Variants in DDHD1 observed in about 807,000 individuals in gnomAD.
The protein encoded by DDHD1 is DDHD domain containing 1, also known as phospholipase DDHD1.
In DDHD1, 49 loss-of-function variants were observed where a neutral mutation model predicts 96.4. The observed-to-expected ratio is 0.51, with a 90% CI of 0.40 to 0.64. The LOEUF (loss-of-function observed/expected upper bound fraction) is 0.64. DDHD1 is among the 30% of genes least tolerant of loss of function. DDHD1 has a pLI of 0.00. For synonymous variants in DDHD1, 442 were observed against 446.5 expected (o/e 0.99, Z 0.13); for missense variants, 1,106 against 1,161.2 (o/e 0.95, Z 0.69).
At chr14:53,058,271 C>T (rs188307844) in intron 9 of DDHD1, among the ~76,000 whole-genome samples, 87 of 152,266 alleles carry the variant, frequency 5.7e-4, no homozygotes, top group African/African-American at 1.9e-3. Flanking sequence ...CCCACTACCA[C>T]GCCCAGCTAA....
chr14:53,137,653 T>A (rs940930887), intron 1 of DDHD1, among the ~76,000 whole-genome samples: 1 of 151,736 alleles, frequency 6.6e-6, no homozygotes, highest in Non-Finnish European at 1.5e-5. Context: ...CAGGGCAATA[T>A]CAAAATGTAC....
intron 1 of DDHD1, among the ~76,000 whole-genome samples, chr14:53,107,747 T>C (rs527667458): frequency 1.3e-5 from 2 of 152,130 alleles, no homozygotes; most frequent in South Asian, 4.1e-4. Context: ...GCTGAGATCG[T>C]GCTGAGAGAC....
At chr14:53,058,121 A>T (rs1883224596) in intron 9 of DDHD1, among the ~76,000 whole-genome samples, 1 of 151,626 alleles carries the variant, frequency 6.6e-6, no homozygotes, top group African/African-American at 2.4e-5. Context: ...TACAGGCATG[A>T]GCACCACGCC....
chr14:53,062,861 T>C (rs768388827), intron 7 of DDHD1, 82 bp downstream of exon 7: 3 of 1,401,632 alleles, frequency 2.1e-6, no homozygotes, highest in East Asian at 4.7e-5. Flanking sequence ...TTCTTTATCA[T>C]GAAATTCTTA....
chr14:53,047,311 T>C (rs531927715), intron 12 of DDHD1, among the ~76,000 whole-genome samples: 1 of 152,304 alleles, frequency 6.6e-6, no homozygotes, highest in East Asian at 1.9e-4. Context: ...AACACCCCTC[T>C]TGAAGATTTA....
Position 53,061,158 on chromosome 14 carries a change from A to G in DDHD1, c.1810T>C (p.Ser604Pro), listed in dbSNP as rs1287516721. The part of the protein sequence containing the change: ...EERLHGLKAS[S>P]MTQTPALKFK... Reference sequence around the variant, plus strand: ...TTTAAGGCAGGTGTTTGTGTCATAGATGATGCTTTCAATCCGTGAAGCCGT... The same window carrying G: ...TTTAAGGCAGGTGTTTGTGTCATAGGTGATGCTTTCAATCCGTGAAGCCGT... The change falls in exon 8 of 13, where the codon TCT becomes CCT. Residue 604 changes from serine (S) to proline (P), a missense_variant. Transcript: ENST00000673822. 1.9e-6 allele frequency: 3 copies of G among 1,611,718 alleles called. No individual in the cohort carries two copies. Among genetic ancestry groups the G allele is most frequent in the African/African-American group, 1.3e-5 (1 of 74,890 alleles).
intron 12 of DDHD1, among the ~76,000 whole-genome samples, chr14:53,048,339 T>G (rs1040867914): frequency 8.4e-5 from 11 of 131,286 alleles, no homozygotes; most frequent in African/African-American, 1.4e-4. Flanking sequence ...TTTTGGGCTG[T>G]TTTTTTTTTT....
intron 1 of DDHD1, among the ~76,000 whole-genome samples, chr14:53,117,612 G>A (rs1888648555): frequency 1.3e-5 from 2 of 152,040 alleles, no homozygotes; most frequent in Admixed American, 1.3e-4. Flanking sequence ...TGCCATTGCT[G>A]GGGCTTAAGT....
intron 1 of DDHD1, among the ~76,000 whole-genome samples, chr14:53,128,705 A>T (rs1315751134): frequency 1.3e-5 from 2 of 152,226 alleles, no homozygotes; most frequent in Non-Finnish European, 2.9e-5. Flanking sequence ...GTTCTGATAC[A>T]AAAGTCTATC....
intron 4 of DDHD1, among the ~76,000 whole-genome samples, chr14:53,079,246 T>C (rs1409961107): frequency 6.6e-6 from 1 of 152,120 alleles, no homozygotes; most frequent in East Asian, 1.9e-4. Context: ...TCCTTCCTCT[T>C]CCATTTTTTA....
intron 11 of DDHD1, 136 bp from the exon 12 acceptor site, chr14:53,052,063 A>T (rs1882635175): frequency 1.6e-6 from 1 of 616,088 alleles, no homozygotes; most frequent in African/African-American, 1.8e-5. Context: ...AGTAGTACAC[A>T]TCTTAATTTT....
chr14:53,054,509 G>A lies in DDHD1; in HGVS notation c.2366C>T (p.Ala789Val), dbSNP rs766574806. 1.2e-6 allele frequency: 2 copies of A among 1,614,028 alleles called. No homozygotes were observed. Among genetic ancestry groups the A allele is most frequent in the Admixed American group, 1.7e-5 (1 of 60,006 alleles). Reference protein sequence around the residue: ...DSMEDEKKPVASPSATTVGTQ... With the variant: ...DSMEDEKKPVVSPSATTVGTQ... Reference sequence around the variant, plus strand: ...CCCTACGGTGGTAGCAGAAGGTGAGGCAACTGGCTTCTTCTCATCTTCCAT... The same window carrying A: ...CCCTACGGTGGTAGCAGAAGGTGAGACAACTGGCTTCTTCTCATCTTCCAT... The change falls in exon 11 of 13, where the codon GCC becomes GTC. Residue 789 changes from alanine to valine, a missense_variant. Physicochemically the swap from Ala to Val is moderately conservative, Grantham distance 64. This residue lies in a region of DDHD1 where 650 missense variants were observed against 758.8 expected (regional missense o/e 0.86). Transcript: ENST00000673822.
intron 1 of DDHD1, among the ~76,000 whole-genome samples, chr14:53,110,129 C>T (rs1201084679): frequency 6.6e-6 from 1 of 152,254 alleles, no homozygotes; most frequent in Non-Finnish European, 1.5e-5. Context: ...ATGCTGCCTC[C>T]TCAAGTACTT....
chr14:53,092,054 G>C lies in DDHD1; in HGVS notation c.1142-122C>G, dbSNP rs967842298. ...TGAAAAAATTTCACTGGCTGTGGGG[G>C]AGGAAATAAAAACTGTAAGAAGGTA... On this transcript the variant is annotated intron_variant, in intron 3 of 12. Transcript: ENST00000673822. 1.9e-5 allele frequency: 18 copies of C among 927,286 alleles called. No homozygotes were observed. The Admixed American group carries it at 5.1e-4, about 26-fold the overall frequency. The allele number at this position is 927,286 out of a possible 1,614,324, so 57.4% of individuals were successfully genotyped here. A position where few individuals can be genotyped will look rare whatever the true frequency, so the allele number is the denominator to read the frequency against.
At chr14:53,151,471 AAT>A (rs1236966667) in intron 1 of DDHD1, among the ~76,000 whole-genome samples, 1 of 152,212 alleles carries the variant, frequency 6.6e-6, no homozygotes, top group Non-Finnish European at 1.5e-5. Context: ...TTGTCTAATA[AAT>A]ACTGTTAACA....
At chr14:53,093,564 TAATTC>T in intron 2 of DDHD1, 120 bp from the exon 3 acceptor site, 1 of 1,293,578 alleles carries the variant, frequency 7.7e-7, no homozygotes, top group Non-Finnish European at 1.1e-6. Flanking sequence ...ATATGGAACT[TAATTC>T]AATAAAACAC....
chr14:53,143,466 G>A (rs1008185787), intron 1 of DDHD1, among the ~76,000 whole-genome samples: 1 of 152,234 alleles, frequency 6.6e-6, no homozygotes, highest in Admixed American at 6.5e-5. Flanking sequence ...GTTCTGCCAT[G>A]AGAGTGCACC....
At chr14:53,063,272 T>C in intron 6 of DDHD1, 67 bp from the exon 7 acceptor site, 1 of 1,507,118 alleles carries the variant, frequency 6.6e-7, no homozygotes, top group South Asian at 1.3e-5. Flanking sequence ...TATTCTAAAC[T>C]CAAATACATT....
In DDHD1 at chr14:53,041,633, CT is replaced by C. The variant is rs1206042841; in HGVS notation, c.*5134del. Reference sequence around the variant, plus strand: ...TTGCATTTGTCACCAGAATAGAAAACTAACAAAATATTTCCTGGATATCTTA... The same window carrying C: ...TTGCATTTGTCACCAGAATAGAAAACAACAAAATATTTCCTGGATATCTTA... On this transcript the variant is annotated 3_prime_UTR_variant, in exon 13 of 13. Transcript: ENST00000673822. 6.6e-6 allele frequency: 1 copy of C among 152,160 alleles called. No individual in the cohort carries two copies. The highest frequency in any genetic ancestry group is 1.5e-5 in the Non-Finnish European group (1 of 68,022). The allele number at this position is 152,160 out of a possible 1,614,324, so 9.4% of individuals were successfully genotyped here. A position where few individuals can be genotyped will look rare whatever the true frequency, so the allele number is the denominator to read the frequency against.
Sources: gnomAD v4.1 joint callset for allele counts (sites outside exome capture counted in the v4.1 genomes callset) on GRCh38, gnomAD v4.1.1 for gene constraint, gnomAD v4.1.1 regional missense constraint, MANE v1.5 for transcripts, NCBI Gene and HGNC (gene_info 2026-07-23, HGNC 2026-07-21) for gene names.